DIP2C: variants seen among roughly 807,000 people sequenced by gnomAD.
The protein encoded by DIP2C is DIP2 acetate--CoA ligase C (putative), also known as disco-interacting protein 2 homolog C.
DIP2C carries 33 observed loss-of-function variants against 192.4 expected under a neutral mutation model. The observed-to-expected ratio is 0.17, with a 90% CI of 0.13 to 0.23. The LOEUF is 0.23. DIP2C is among the 10% of genes least tolerant of loss of function. DIP2C has a pLI of 1.00. For synonymous variants in DIP2C, 979 were observed against 864.1 expected, an observed-to-expected ratio of 1.13 and a Z score of -2.33; for missense variants, 1,537 against 2,110.1, an observed-to-expected ratio of 0.73 and a Z score of 5.32.
chr10:549,822 C>G lies in DIP2C; in HGVS notation c.86-63292G>C, dbSNP rs533032590. 2.0e-5 allele frequency among the ~76,000 whole-genome samples: 3 copies of G among 152,254 alleles called. No individual in the cohort carries two copies. The East Asian group carries it at 5.8e-4, about 29-fold the overall frequency. On this transcript the variant is annotated intron_variant, in intron 1 of 36. Coordinates refer to ENST00000280886, the MANE Select transcript of DIP2C (RefSeq NM_014974.3). ...GTGAGTAACACTAGTCACTAATTCACATAGATCTGAGTCCACAGATACCTC... is the reference window on the plus strand; with the variant it reads ...GTGAGTAACACTAGTCACTAATTCAGATAGATCTGAGTCCACAGATACCTC...
At chr10:553,786 G>C (rs955849730) in intron 1 of DIP2C, among the ~76,000 whole-genome samples, 1 of 149,546 alleles carries the variant, frequency 6.7e-6, no homozygotes, top group East Asian at 2.0e-4. Flanking sequence ...AGGAGAAAAG[G>C]TATACCGCTT....
At chr10:438,808 T>C (rs898624630) in intron 4 of DIP2C, among the ~76,000 whole-genome samples, 5 of 151,368 alleles carry the variant, frequency 3.3e-5, no homozygotes, top group Non-Finnish European at 4.4e-5. Context: ...TTTTAAAGAG[T>C]CTCTATTTAT....
At chr10:511,932 GCTGC>G (rs1180055611) in intron 1 of DIP2C, among the ~76,000 whole-genome samples, 1 of 152,218 alleles carries the variant, frequency 6.6e-6, no homozygotes, top group Non-Finnish European at 1.5e-5. Context: ...TCCAGCTGCT[GCTGC>G]CTGGCTGGCC....
In DIP2C at chr10:399,012, C is replaced by G. The variant is rs1220045250; in HGVS notation, c.1260+97G>C. The G allele has an allele frequency of 3.8e-6, 4 of 1,052,902 alleles. No individual in the cohort carries two copies. The Admixed American group carries it at 8.1e-5, about 21-fold the overall frequency. The allele number at this position is 1,052,902 out of a possible 1,614,324, so 65.2% of individuals were successfully genotyped here. A position where few individuals can be genotyped will look rare whatever the true frequency, so the allele number is the denominator to read the frequency against. On this transcript the variant is annotated intron_variant, in intron 10 of 36. Transcript: ENST00000280886. ...GAGGCAACCGAAGGAAACCCAGGGC[C>G]CCAGAAACAGCGAGGAGACCCTCAC...
intron 31 of DIP2C, chr10:324,842 C>T (rs1043045330): frequency 8.4e-6 from 4 of 475,668 alleles, no homozygotes; most frequent in Admixed American, 7.0e-5. Flanking sequence ...TGGAAAACAC[C>T]AGCACGCCAA....
At chr10:601,610 A>T (rs765594986) in intron 1 of DIP2C, among the ~76,000 whole-genome samples, 1 of 152,164 alleles carries the variant, frequency 6.6e-6, no homozygotes, top group Non-Finnish European at 1.5e-5. Context: ...CTTCCTGCCC[A>T]CCCTAACTGT....
At chr10:616,475 T>C (rs1240178694) in intron 1 of DIP2C, among the ~76,000 whole-genome samples, 3 of 152,226 alleles carry the variant, frequency 2.0e-5, no homozygotes, top group South Asian at 4.1e-4. Flanking sequence ...CAAGCCTGTC[T>C]CTGCACAGCG....
At position 367,886 on chromosome 10, in the gene DIP2C, T is replaced by A. The variant is rs140348480; in HGVS notation, c.2132-1475A>T. Among the ~76,000 whole-genome samples the A allele has an allele frequency of 5.9e-5, 9 of 152,156 alleles. No individual in the cohort carries two copies. The East Asian group carries it at 1.7e-3, about 30-fold the overall frequency. On this transcript the variant is annotated intron_variant, in intron 18 of 36. Transcript: ENST00000280886. ...ACACACACGGGGTGGGGGTGCAGGC[T>A]TCTGTTCCACAGCCCCAGGTGCCTC...
chr10:545,913 G>A (rs556797886), intron 1 of DIP2C, among the ~76,000 whole-genome samples: 6 of 152,140 alleles, frequency 3.9e-5, no homozygotes, highest in African/African-American at 1.4e-4. Flanking sequence ...ATTTGTTGTC[G>A]GTTTAAGCCG....
chr10:510,105 G>A (rs1214103726), intron 1 of DIP2C, among the ~76,000 whole-genome samples: 1 of 152,216 alleles, frequency 6.6e-6, no homozygotes, highest in African/African-American at 2.4e-5. Context: ...TGTAGCAATC[G>A]CCTTCCTGGG....
At chr10:634,436 G>C (rs1240921674) in intron 1 of DIP2C, among the ~76,000 whole-genome samples, 1 of 152,212 alleles carries the variant, frequency 6.6e-6, no homozygotes, top group Non-Finnish European at 1.5e-5. Flanking sequence ...GTGGTTTCAG[G>C]TTGCTATGCT....
rs201803757 is a variant in DIP2C, at chr10:548,212, C to CG, written c.86-61683_86-61682insC. ...CAATTCACACGAGTCTGCCCCACCC[C>CG]CCCCCCCACAGGAAAGCCCTGGTGG... On this transcript the variant is annotated intron_variant, in intron 1 of 36. Coordinates refer to ENST00000280886, the MANE Select transcript of DIP2C (RefSeq NM_014974.3). 9.5e-5 allele frequency among the ~76,000 whole-genome samples: 11 copies of CG among 115,692 alleles called. No homozygotes were observed. The East Asian group carries it at 1.7e-3, about 18-fold the overall frequency. The allele number at this position is 115,692 out of a possible 152,430, so 75.9% of individuals were successfully genotyped here. A position where few individuals can be genotyped will look rare whatever the true frequency, so the allele number is the denominator to read the frequency against.
intron 30 of DIP2C, 118 bp downstream of exon 30, chr10:329,315 T>C (rs2132456511): frequency 8.6e-7 from 1 of 1,157,902 alleles, no homozygotes; most frequent in South Asian, 1.9e-5. Flanking sequence ...TGACGTTAGA[T>C]TAAACCCAGG....
chr10:548,911 C>CAAAAAAAAAAAAAAAAAAA (rs61437915), intron 1 of DIP2C, among the ~76,000 whole-genome samples: 3 of 26,458 alleles, frequency 1.1e-4, no homozygotes, highest in African/African-American at 4.0e-4. Context: ...TAGCAGCTCA[C>CAAAAAAAAAAAAAAAAAAA]AAAAAAAAAA....
chr10:412,787 T>C (rs1399139246), intron 8 of DIP2C, among the ~76,000 whole-genome samples: 2 of 152,202 alleles, frequency 1.3e-5, no homozygotes, highest in East Asian at 1.9e-4. Flanking sequence ...ATCAGAAAAG[T>C]GTTGTAACAA....
chr10:603,321 A>C (rs1272396618), intron 1 of DIP2C, among the ~76,000 whole-genome samples: 2 of 139,372 alleles, frequency 1.4e-5, no homozygotes, highest in Non-Finnish European at 3.1e-5. Context: ...AAAAAAAAAA[A>C]AAAAAAAAAA....
intron 4 of DIP2C, among the ~76,000 whole-genome samples, chr10:424,293 TAAAAGTTTACTTGTTAG>T (rs1966418870): frequency 6.6e-6 from 1 of 151,266 alleles, no homozygotes; most frequent in Non-Finnish European, 1.5e-5. Context: ...GGAATTTTTT[TAAAAGTTTACTTGTTAG>T]AAAAGCAACA....
At position 413,776 on chromosome 10, in the gene DIP2C, G is replaced by A. The variant is rs575606662; in HGVS notation, c.1057+137C>T. 5.8e-5 allele frequency: 63 copies of A among 1,089,800 alleles called. No individual in the cohort carries two copies. In the African/African-American group the frequency reaches 6.8e-4, roughly 12 times the overall value. 67.5% of individuals were successfully genotyped at this position (1,089,800 alleles called of 1,614,324 possible). ...TTCGTGCGTTCGGGAGTGGCTGCGCGAGGGCGTGGGCAAAGGGCAGAGGGT... is the reference window on the plus strand; with the variant it reads ...TTCGTGCGTTCGGGAGTGGCTGCGCAAGGGCGTGGGCAAAGGGCAGAGGGT... On this transcript the variant is annotated intron_variant, in intron 8 of 36. Coordinates refer to ENST00000280886, the MANE Select transcript of DIP2C (RefSeq NM_014974.3).
chr10:543,465 G>A (rs922776791), intron 1 of DIP2C, among the ~76,000 whole-genome samples: 1 of 152,208 alleles, frequency 6.6e-6, no homozygotes, highest in Non-Finnish European at 1.5e-5. Context: ...CACCACTAAA[G>A]ACCATCTGGG....
Sources: allele counts gnomAD v4.1 joint callset (sites outside exome capture counted in the v4.1 genomes callset), GRCh38; gene constraint gnomAD v4.1.1; transcripts MANE v1.5; gene names NCBI Gene and HGNC (gene_info 2026-07-23, HGNC 2026-07-21).